Variants in TXNDC9 observed in about 807,000 individuals in gnomAD.
The protein encoded by TXNDC9 is thioredoxin domain containing 9.
TXNDC9 carries 7 observed loss-of-function variants against 23.0 expected under a neutral mutation model. That is an observed-to-expected ratio of 0.30 (90% confidence interval 0.17 to 0.57). The LOEUF is 0.57. TXNDC9 is among the 20% of genes least tolerant of loss of function. The pLI, the probability that TXNDC9 is intolerant of heterozygous loss-of-function variation, is 0.90. For synonymous variants in TXNDC9, 72 were observed against 90.6 expected, an observed-to-expected ratio of 0.79 and a Z score of 1.17; for missense variants, 198 against 252.6, an observed-to-expected ratio of 0.78 and a Z score of 1.47.
the TXNDC9 span, among the ~76,000 whole-genome samples, chr2:99,312,451 C>T: frequency 4.7e-5 from 7 of 149,562 alleles, no homozygotes; most frequent in Admixed American, 2.7e-4. Context: ...GAGCCAAAAT[C>T]GCACCACTGC....
chr2:99,330,233 T>C (rs1390580381), intron 2 of TXNDC9, among the ~76,000 whole-genome samples: 1 of 130,240 alleles, frequency 7.7e-6, no homozygotes, highest in African/African-American at 3.1e-5. Context: ...GAGGTTGCAG[T>C]GAGCCGAGAT....
chr2:99,309,309 G>A, the TXNDC9 span, among the ~76,000 whole-genome samples: 1 of 151,940 alleles, frequency 6.6e-6, no homozygotes, highest in Non-Finnish European at 1.5e-5. Flanking sequence ...GGCAGGTCGA[G>A]GGTGGAGTGA....
At chr2:99,331,904 A>AT (rs2094226638) in intron 2 of TXNDC9, among the ~76,000 whole-genome samples, 2 of 151,954 alleles carry the variant, frequency 1.3e-5, no homozygotes, top group Admixed American at 6.6e-5. Context: ...TAATTTTTGT[A>AT]TTTTTTGTAG....
downstream of TXNDC9, among the ~76,000 whole-genome samples, chr2:99,318,238 G>T (rs572043606): frequency 6.6e-6 from 1 of 151,986 alleles, no homozygotes; most frequent in African/African-American, 2.4e-5. Context: ...TGCCATCAGG[G>T]AGCTGTCAAT....
chr2:99,308,106 T>C, the TXNDC9 span, among the ~76,000 whole-genome samples: 39 of 151,874 alleles, frequency 2.6e-4, no homozygotes, highest in African/African-American at 7.5e-4. Flanking sequence ...GAAACATTCA[T>C]GGGGAAATCT....
At chr2:99,334,019 A>G (rs1450307036) in intron 1 of TXNDC9, among the ~76,000 whole-genome samples, 1 of 152,236 alleles carries the variant, frequency 6.6e-6, no homozygotes, top group Non-Finnish European at 1.5e-5. Context: ...TTAGAAAGGA[A>G]GACCTATCTC....
At chr2:99,307,226 C>G in the TXNDC9 span, among the ~76,000 whole-genome samples, 2 of 151,004 alleles carry the variant, frequency 1.3e-5, no homozygotes, top group Non-Finnish European at 2.9e-5. Flanking sequence ...AGTTAAACTA[C>G]AACTAGGATC....
chr2:99,335,018 A>G (rs563281036), intron 1 of TXNDC9, among the ~76,000 whole-genome samples: 1 of 152,252 alleles, frequency 6.6e-6, no homozygotes, highest in Admixed American at 6.5e-5. Flanking sequence ...CCCGGCCAAA[A>G]TTTTACTTCT....
intron 3 of TXNDC9, among the ~76,000 whole-genome samples, chr2:99,323,999 C>T (rs2094208198): frequency 6.6e-6 from 1 of 152,086 alleles, no homozygotes; most frequent in African/African-American, 2.4e-5. Context: ...GCACCTGCCA[C>T]CACGCCCGGC....
chr2:99,314,913 T>TTTTTG (rs2094185373), downstream of TXNDC9, among the ~76,000 whole-genome samples: 1 of 148,832 alleles, frequency 6.7e-6, no homozygotes. Context: ...TTTTTTTTTT[T>TTTTTG]GAGACGGACT....
At position 99,322,220 on chromosome 2, in the gene TXNDC9, C is replaced by A; in HGVS notation, c.309-11G>T. ...TCTAGTATTTTACACCTGTAAGTGACCACACATAGAAAATTATAAGCTAAA... is the reference window on the plus strand; with the variant it reads ...TCTAGTATTTTACACCTGTAAGTGAACACACATAGAAAATTATAAGCTAAA... On this transcript the variant is annotated splice_polypyrimidine_tract_variant and intron_variant, in intron 3 of 4. Transcript: ENST00000264255. 1 of 1,600,268 alleles carries A rather than the reference C, an allele frequency of 6.2e-7. No individual in the cohort carries two copies. Among genetic ancestry groups the A allele is most frequent in the Non-Finnish European group, 8.5e-7 (1 of 1,172,110 alleles).
intron 3 of TXNDC9, among the ~76,000 whole-genome samples, chr2:99,323,077 T>A (rs2094206085): frequency 6.6e-6 from 1 of 152,128 alleles, no homozygotes; most frequent in Non-Finnish European, 1.5e-5. Flanking sequence ...TAGTAACTTT[T>A]ATTAAGCCAT....
intron 3 of TXNDC9, among the ~76,000 whole-genome samples, chr2:99,326,739 G>A (rs1200935691): frequency 6.6e-6 from 1 of 152,154 alleles, no homozygotes; most frequent in Non-Finnish European, 1.5e-5. Context: ...AAGACTGGCA[G>A]TCCCAACTCT....
the TXNDC9 span, among the ~76,000 whole-genome samples, chr2:99,313,224 T>C: frequency 6.6e-6 from 1 of 152,034 alleles, no homozygotes. Context: ...AACCAAGTCT[T>C]TTTTCTTCTT....
At chr2:99,334,824 G>A (rs2094234809) in intron 1 of TXNDC9, among the ~76,000 whole-genome samples, 1 of 152,152 alleles carries the variant, frequency 6.6e-6, no homozygotes, top group Non-Finnish European at 1.5e-5. Flanking sequence ...CCATTCTCCT[G>A]CCTCAGCCTC....
chr2:99,322,816 C>CAGTG (rs1418688433), intron 3 of TXNDC9: 25 of 984,868 alleles, frequency 2.5e-5, no homozygotes, highest in Non-Finnish European at 3.3e-5. Flanking sequence ...GGCTGGAGTG[C>CAGTG]AGTGGCACAA....
At chr2:99,322,617 C>G (rs915663380) in intron 3 of TXNDC9, 1 of 1,545,094 alleles carries the variant, frequency 6.5e-7, no homozygotes, top group African/African-American at 1.4e-5. Context: ...AAAAACTGAA[C>G]AGCATTACCG....
chr2:99,314,847 C>T (rs1382932818), downstream of TXNDC9, among the ~76,000 whole-genome samples: 2 of 150,740 alleles, frequency 1.3e-5, no homozygotes, highest in Non-Finnish European at 1.5e-5. Context: ...CATGTACTTA[C>T]TGCCCAACTG....
At chr2:99,318,250 C>T (rs62153852), downstream of TXNDC9, among the ~76,000 whole-genome samples, 33,879 of 151,934 alleles carry the variant, frequency 0.22, 4,260 homozygotes, top group Admixed American at 0.31. Context: ...GCTGTCAATA[C>T]GCTCTTAATT....
Sources: allele counts gnomAD v4.1 joint callset (sites outside exome capture counted in the v4.1 genomes callset), GRCh38; gene constraint gnomAD v4.1.1; transcripts MANE v1.5; gene names NCBI Gene and HGNC (gene_info 2026-07-23, HGNC 2026-07-21).